ZNF774: variants seen among roughly 807,000 people sequenced by gnomAD.
The protein encoded by ZNF774 is zinc finger protein 774.
A neutral mutation model predicts 11.1 loss-of-function variants in ZNF774; 14 were observed. The observed-to-expected ratio is 1.26, with a 90% CI of 0.83 to 1.97. The LOEUF is 1.97. ZNF774 is among the 30% of genes most tolerant of loss of function. The pLI, the probability that ZNF774 is intolerant of heterozygous loss-of-function variation, is 0.00. For synonymous variants in ZNF774, 195 were observed against 212.6 expected, an observed-to-expected ratio of 0.92 and a Z score of 0.72; for missense variants, 599 against 587.0, an observed-to-expected ratio of 1.02 and a Z score of -0.21.
chr15:90,356,731 TTAAAA>T (rs769760459), intron 2 of ZNF774, among the ~76,000 whole-genome samples: 62 of 152,360 alleles, frequency 4.1e-4, no homozygotes, highest in Non-Finnish European at 7.3e-4. Context: ...TTTACATCAC[TTAAAA>T]TAACCACCTA....
chr15:90,360,698 G>A lies in ZNF774; in HGVS notation c.867G>A (p.Lys289=). The A allele has an allele frequency of 6.2e-7, 1 of 1,614,230 alleles. No homozygotes were observed. The highest frequency in any genetic ancestry group is 1.1e-5 in the South Asian group (1 of 91,088). ...ITHQRTHTGV[K]PYRCNDCGES... is the part of the protein sequence containing the mutation. ...ACCAGAGGACCCACACAGGGGTGAA[G>A]CCTTACAGGTGTAATGACTGTGGGG... The change falls in exon 4 of 4, where the codon AAG becomes AAA. Residue 289 remains lysine, a synonymous_variant. Coordinates refer to ENST00000354377, the MANE Select transcript of ZNF774 (RefSeq NM_001004309.3).
At chr15:90,358,714 C>G (rs184750313) in intron 2 of ZNF774, 137 bp from the exon 3 acceptor site, 535 of 544,870 alleles carry the variant, frequency 9.8e-4, no homozygotes, top group Non-Finnish European at 1.1e-3. Flanking sequence ...CATGGCTGCA[C>G]TTTTTTAATG....
chr15:90,357,348 A>C (rs555535590), intron 2 of ZNF774, among the ~76,000 whole-genome samples: 45 of 152,122 alleles, frequency 3.0e-4, no homozygotes, highest in Admixed American at 2.4e-3. Flanking sequence ...CTCTACAAAA[A>C]GTTACATTAA....
At chr15:90,355,327 T>C (rs1487479614) in intron 2 of ZNF774, 3 of 455,990 alleles carry the variant, frequency 6.6e-6, no homozygotes, top group African/African-American at 4.0e-5. Context: ...TTTTGACTTA[T>C]GTATTACTAT....
intron 2 of ZNF774, 51 bp from the exon 3 acceptor site, chr15:90,358,800 G>T: frequency 6.5e-7 from 1 of 1,526,790 alleles, no homozygotes; most frequent in African/African-American, 1.4e-5. Context: ...TTTTGCTCAG[G>T]CCTTGTGTGA....
intron 2 of ZNF774, 43 bp from the exon 3 acceptor site, chr15:90,358,808 T>C: frequency 2.5e-6 from 4 of 1,570,116 alleles, no homozygotes; most frequent in Non-Finnish European, 3.5e-6. Flanking sequence ...AGGCCTTGTG[T>C]GATTGGCTCA....
intron 1 of ZNF774, among the ~76,000 whole-genome samples, chr15:90,353,192 C>T (rs1266584020): frequency 1.3e-5 from 2 of 152,092 alleles, no homozygotes; most frequent in African/African-American, 2.4e-5. Flanking sequence ...ATCTCGAACT[C>T]CTGACCCCAG....
At chr15:90,358,021 G>A (rs1367053928) in intron 2 of ZNF774, among the ~76,000 whole-genome samples, 4 of 151,322 alleles carry the variant, frequency 2.6e-5, no homozygotes, top group Admixed American at 1.3e-4. Flanking sequence ...TCAGCCTCCC[G>A]AGTAACTGGG....
In ZNF774 at chr15:90,360,923, G is replaced by A. The variant is rs1239603157; in HGVS notation, c.1092G>A (p.Thr364=). The part of the protein sequence containing the change: ...KSFSQSSHLV[T]HQRTHTGERP... Reference sequence around the variant, plus strand: ...TCAGTCAGAGCTCACATTTGGTCACGCACCAAAGAACACACACAGGTGAGA... The same window carrying A: ...TCAGTCAGAGCTCACATTTGGTCACACACCAAAGAACACACACAGGTGAGA... The change falls in exon 4 of 4, where the codon ACG becomes ACA. Residue 364 remains threonine, a synonymous_variant. Coordinates refer to ENST00000354377, the MANE Select transcript of ZNF774 (RefSeq NM_001004309.3). The A allele has an allele frequency of 9.9e-6, 16 of 1,613,910 alleles. No individual in the cohort carries two copies. Among genetic ancestry groups the A allele is most frequent in the Non-Finnish European group, 1.3e-5 (15 of 1,179,960 alleles).
chr15:90,360,024 A>G lies in ZNF774; in HGVS notation c.212-19A>G, dbSNP rs746583260. On this transcript the variant is annotated intron_variant, in intron 3 of 3. Transcript: ENST00000354377. The stretch of plus-strand genomic sequence containing the variant: ...ATAACTGATAACTTTATTCTCTGTT[A>G]CTTACATTAATTTTTCAGACTGTGA... 4 of 1,580,112 alleles carry G rather than the reference A, an allele frequency of 2.5e-6. No homozygotes were observed. The highest frequency in any genetic ancestry group is 1.7e-4 in the Middle Eastern group (1 of 5,874).
At chr15:90,359,367 C>A (rs115450666) in intron 3 of ZNF774, among the ~76,000 whole-genome samples, 1 of 151,458 alleles carries the variant, frequency 6.6e-6, no homozygotes, top group Non-Finnish European at 1.5e-5. Context: ...CCACCGCGCC[C>A]GGCCACTAGC....
At chr15:90,355,566 TAAA>T (rs550853643) in intron 2 of ZNF774, 1 of 373,496 alleles carries the variant, frequency 2.7e-6, no homozygotes, top group East Asian at 7.3e-5. Flanking sequence ...CTACTAAAAA[TAAA>T]AAAATTAGCT....
chr15:90,353,189 A>T (rs1046663887), intron 1 of ZNF774, among the ~76,000 whole-genome samples: 1 of 151,218 alleles, frequency 6.6e-6, no homozygotes, highest in African/African-American at 2.4e-5. Flanking sequence ...CTGATCTCGA[A>T]CTCCTGACCC....
intron 2 of ZNF774, among the ~76,000 whole-genome samples, chr15:90,356,525 A>G (rs895808415): frequency 5.3e-5 from 8 of 152,136 alleles, no homozygotes; most frequent in African/African-American, 1.9e-4. Flanking sequence ...AGTAATGTAT[A>G]CTCATTCAAT....
At chr15:90,359,037 A>T in intron 3 of ZNF774, 80 bp downstream of exon 3, 4 of 965,344 alleles carry the variant, frequency 4.1e-6, no homozygotes, top group South Asian at 2.8e-5. Flanking sequence ...ATGCTGCCTT[A>T]GAATTTTGTT....
At chr15:90,359,262 CG>C (rs1054066810) in intron 3 of ZNF774, among the ~76,000 whole-genome samples, 2 of 148,088 alleles carry the variant, frequency 1.4e-5, no homozygotes, top group Admixed American at 6.8e-5. Context: ...TTAGTAGAGA[CG>C]GGGTTTCACC....
rs763539647 is a variant in ZNF774 at position 90,354,623 on chromosome 15, T to C, written c.-19-19T>C. On this transcript the variant is annotated intron_variant, in intron 1 of 3. Coordinates refer to ENST00000354377, the MANE Select transcript of ZNF774 (RefSeq NM_001004309.3). The stretch of plus-strand genomic sequence containing the variant: ...ATATCTAGGGAGCTACTGATGCACA[T>C]TGAGGTCTCTTGCTTTAGGAACTGA... The C allele has an allele frequency of 7.3e-6, 11 of 1,497,772 alleles. No individual in the cohort carries two copies. The highest frequency in any genetic ancestry group is 1.7e-4 in the Middle Eastern group (1 of 5,896). 92.8% of individuals were successfully genotyped at this position (1,497,772 alleles called of 1,614,324 possible).
Position 90,361,073 on chromosome 15 carries a change from G to A in ZNF774, c.1242G>A (p.Gln414=). The A allele has an allele frequency of 6.2e-7, 1 of 1,614,148 alleles. No individual in the cohort carries two copies. Among genetic ancestry groups the A allele is most frequent in the East Asian group, 2.2e-5 (1 of 44,886 alleles). ...KCGECGKSFN[Q]SSHFITHQRI... ...GAGAGTGTGGGAAGAGCTTCAATCA[G>A]AGCTCCCACTTTATTACCCATCAGC... Residue 414 remains glutamine (Q), a synonymous_variant, in exon 4 of 4, where the codon CAG becomes CAA. Transcript: ENST00000354377.
At chr15:90,355,919 C>T (rs1348496525) in intron 2 of ZNF774, among the ~76,000 whole-genome samples, 1 of 148,996 alleles carries the variant, frequency 6.7e-6, no homozygotes, top group Non-Finnish European at 1.5e-5. Context: ...GTCCCAGCTA[C>T]TCGGGAGGCT....
Sources: gnomAD v4.1 joint callset for allele counts (sites outside exome capture counted in the v4.1 genomes callset) on GRCh38, gnomAD v4.1.1 for gene constraint, MANE v1.5 for transcripts, NCBI Gene and HGNC (gene_info 2026-07-23, HGNC 2026-07-21) for gene names.